The following RAB35 variants were observed in gnomAD, a reference collection of about 807,000 sequenced individuals.
RAB35 encodes the protein RAB35, member RAS oncogene family, also known as ras-related protein Rab-35.
RAB35 carries 4 observed loss-of-function variants against 28.9 expected under a neutral mutation model. That is an observed-to-expected ratio of 0.14 (90% CI 0.07 to 0.32). The LOEUF is 0.32. RAB35 is among the 10% of genes least tolerant of loss of function. The probability of loss-of-function intolerance (pLI) is 1.00; values close to 1 mark genes in which losing one functional copy is unlikely to be tolerated. For synonymous variants in RAB35, 99 were observed against 105.1 expected (o/e 0.94, Z 0.35); for missense variants, 128 against 274.0 (o/e 0.47, Z 3.76).
chr12:120,097,777 C>T (rs1428956705), intron 5 of RAB35, among the ~76,000 whole-genome samples: 1 of 152,176 alleles, frequency 6.6e-6, no homozygotes, highest in Non-Finnish European at 1.5e-5. Flanking sequence ...AAAAGGAACA[C>T]CATCAGAGGC....
At chr12:120,110,783 A>G (rs1876085094) in intron 1 of RAB35, among the ~76,000 whole-genome samples, 1 of 152,152 alleles carries the variant, frequency 6.6e-6, no homozygotes, top group African/African-American at 2.4e-5. Context: ...TACTTTCCTA[A>G]AGACAGGCCA....
Position 120,103,691 on chromosome 12 carries a change from A to T in RAB35, c.227+135T>A, listed in dbSNP as rs1272111955. ...GGTGCAGCCAAACGCCACCTACTAC[A>T]GCCAACAACAGGCTCACTTCCCGAC... On this transcript the variant is annotated intron_variant, in intron 3 of 5. Coordinates refer to ENST00000229340, the MANE Select transcript of RAB35 (RefSeq NM_006861.7). This position sits in a 1 kb window ranked among gnomAD's most constrained non-coding sequence, Gnocchi z 6.1. 11 of 1,323,694 alleles carry T rather than the reference A, an allele frequency of 8.3e-6. No individual in the cohort carries two copies. The Admixed American group carries it at 1.2e-4, about 14-fold the overall frequency. The allele number at this position is 1,323,694 out of a possible 1,614,324, so 82.0% of individuals were successfully genotyped here. A position where few individuals can be genotyped will look rare whatever the true frequency, so the allele number is the denominator to read the frequency against.
chr12:120,098,311 A>C (rs1194074491), intron 5 of RAB35, among the ~76,000 whole-genome samples: 1 of 152,236 alleles, frequency 6.6e-6, no homozygotes, highest in Non-Finnish European at 1.5e-5. Context: ...TCACCGCCCA[A>C]GGTCATACCA....
chr12:120,110,707 T>A (rs1236019648), intron 1 of RAB35, among the ~76,000 whole-genome samples: 1 of 152,156 alleles, frequency 6.6e-6, no homozygotes, highest in Non-Finnish European at 1.5e-5. Flanking sequence ...TCTGGGAGCT[T>A]CTCCTGGTGA....
At position 120,096,677 on chromosome 12, in the gene RAB35, G is replaced by A. The variant is rs944128767; in HGVS notation, c.*568C>T. 7.8e-7 allele frequency: 1 copy of A among 1,289,884 alleles called. No individual in the cohort carries two copies. Among genetic ancestry groups the A allele is most frequent in the Admixed American group, 2.3e-5 (1 of 43,568 alleles). The allele number at this position is 1,289,884 out of a possible 1,614,324, so 79.9% of individuals were successfully genotyped here. A position where few individuals can be genotyped will look rare whatever the true frequency, so the allele number is the denominator to read the frequency against. ...GCTGTGGGGACAGGACAACGGGGAG[G>A]GAAGGGAGCTGGCACAGGCCCCGGA... On this transcript the variant is annotated 3_prime_UTR_variant, in exon 6 of 6. Coordinates refer to ENST00000229340, the MANE Select transcript of RAB35 (RefSeq NM_006861.7).
chr12:120,097,664 T>C (rs998114020), intron 5 of RAB35, among the ~76,000 whole-genome samples: 1 of 152,160 alleles, frequency 6.6e-6, no homozygotes, highest in African/African-American at 2.4e-5. Flanking sequence ...GGAGGATTAC[T>C]TGAGCCCAGG....
At chr12:120,102,886 CT>C (rs2087152722) in intron 3 of RAB35, among the ~76,000 whole-genome samples, 2 of 152,202 alleles carry the variant, frequency 1.3e-5, no homozygotes, top group South Asian at 4.1e-4. Flanking sequence ...GCCCCTCACT[CT>C]GCACAGGCCA....
intron 3 of RAB35, 90 bp from the exon 4 acceptor site, chr12:120,099,244 C>A: frequency 6.5e-7 from 1 of 1,539,952 alleles, no homozygotes; most frequent in South Asian, 1.2e-5. Flanking sequence ...GACACTGACC[C>A]GGAAAAGGTG....
At position 120,103,128 on chromosome 12, in the gene RAB35, C is replaced by T. The variant is rs78180288; in HGVS notation, c.227+698G>A. ...CGGCAACTTGCCTAAGGACACACAG[C>T]CCAACAGCTCCAAATCGGCCCCTTC... On this transcript the variant is annotated intron_variant, in intron 3 of 5. Transcript: ENST00000229340. This position sits in a 1 kb window ranked among gnomAD's most constrained non-coding sequence, Gnocchi z 6.1. Among the ~76,000 whole-genome samples, 894 of 152,346 alleles carry T rather than the reference C, an allele frequency of 5.9e-3. 9 individuals are homozygous for T. Among genetic ancestry groups the T allele is most frequent in the African/African-American group, 0.02 (817 of 41,570 alleles).
At position 120,116,694 on chromosome 12, in the gene RAB35, G is replaced by T; in HGVS notation, c.-44C>A. 2 of 1,221,612 alleles carry T rather than the reference G, an allele frequency of 1.6e-6. No individual in the cohort carries two copies. The allele number at this position is 1,221,612 out of a possible 1,614,324, so 75.7% of individuals were successfully genotyped here. ...GCGCGGGCGGGCGGGGTCGGTACTGGCCTCGCGATCCGCAGCTCCCTTCGG... is the reference window on the plus strand; with the variant it reads ...GCGCGGGCGGGCGGGGTCGGTACTGTCCTCGCGATCCGCAGCTCCCTTCGG... On this transcript the variant is annotated 5_prime_UTR_variant, in exon 1 of 6. Transcript: ENST00000229340.
In RAB35 at chr12:120,099,062, T is replaced by C. The variant is rs748710498; in HGVS notation, c.320A>G (p.Asn107Ser). The change falls in exon 4 of 6, where the codon AAC becomes AGC. Residue 107 changes from asparagine (N) to serine (S), a missense_variant. Asn to Ser is a conservative substitution (Grantham distance 46). Coordinates refer to ENST00000229340, the MANE Select transcript of RAB35 (RefSeq NM_006861.7). ...TCGGCACACATCATCACAGTTCTGG[T>C]TGATTTCGTGAAGCCACCGCTTGAC... The part of the protein sequence containing the change: ...VNVKRWLHEI[N>S]QNCDDVCRIL... 2.0e-5 allele frequency: 32 copies of C among 1,613,596 alleles called. No individual in the cohort carries two copies. The highest frequency in any genetic ancestry group is 2.5e-5 in the Non-Finnish European group (30 of 1,179,846).
At chr12:120,108,517 C>T (rs763059694) in intron 1 of RAB35, 50 bp from the exon 2 acceptor site, 28 of 1,549,156 alleles carry the variant, frequency 1.8e-5, no homozygotes, top group East Asian at 1.4e-4. Flanking sequence ...GTCCCCTCCC[C>T]GCAGCCCCAG....
intron 2 of RAB35, among the ~76,000 whole-genome samples, chr12:120,107,697 T>C (rs1875942654): frequency 6.6e-6 from 1 of 151,694 alleles, no homozygotes; most frequent in South Asian, 2.1e-4. Flanking sequence ...TGAAACCCCA[T>C]CTCTATTAAA....
chr12:120,108,583 C>T (rs1489324252), intron 1 of RAB35, 116 bp from the exon 2 acceptor site: 2 of 906,514 alleles, frequency 2.2e-6, no homozygotes, highest in African/African-American at 3.3e-5. Flanking sequence ...TCGGTGGGAC[C>T]CAGCTCACTT....
rs1353145784 is a variant in RAB35 at position 120,096,876 on chromosome 12, G to C, written c.*369C>G. On this transcript the variant is annotated 3_prime_UTR_variant, in exon 6 of 6. Coordinates refer to ENST00000229340, the MANE Select transcript of RAB35 (RefSeq NM_006861.7). ...TGGGCTGGGGAGGGGCGCGGGGAGG[G>C]TCTGTTGCAGCAGGCTGGCATCAAG... 1 of 1,308,934 alleles carries C rather than the reference G, an allele frequency of 7.6e-7. No individual in the cohort carries two copies. The highest frequency in any genetic ancestry group is 5.1e-5 in the East Asian group (1 of 19,514). 81.1% of individuals were successfully genotyped at this position (1,308,934 alleles called of 1,614,324 possible). A position where few individuals can be genotyped will look rare whatever the true frequency, so the allele number is the denominator to read the frequency against.
At chr12:120,114,015 G>A (rs73410877) in intron 1 of RAB35, among the ~76,000 whole-genome samples, 14,666 of 152,156 alleles carry the variant, frequency 0.096, 952 homozygotes, top group African/African-American at 0.18. Context: ...ACACGTATTA[G>A]CACTGAGATG....
Position 120,096,395 on chromosome 12 carries a change from G to T in RAB35, c.*850C>A. The T allele has an allele frequency of 8.0e-7, 1 of 1,253,476 alleles. No individual in the cohort carries two copies. Among genetic ancestry groups the T allele is most frequent in the Non-Finnish European group, 1.0e-6 (1 of 966,102 alleles). The allele number at this position is 1,253,476 out of a possible 1,614,324, so 77.6% of individuals were successfully genotyped here. ...GTGAGGAATTTAATTCACTTGATTT[G>T]GCTTCATTTTCTTGATCTGTTAAAA... On this transcript the variant is annotated 3_prime_UTR_variant, in exon 6 of 6. Coordinates refer to ENST00000229340, the MANE Select transcript of RAB35 (RefSeq NM_006861.7).
At chr12:120,099,393 C>T (rs1198142836) in intron 3 of RAB35, 2 of 585,762 alleles carry the variant, frequency 3.4e-6, no homozygotes, top group Non-Finnish European at 6.1e-6. Context: ...AGGGCCAGCC[C>T]CTGGGCAGCA....
At chr12:120,100,878 G>A (rs887296011) in intron 3 of RAB35, among the ~76,000 whole-genome samples, 4 of 152,220 alleles carry the variant, frequency 2.6e-5, no homozygotes, top group Non-Finnish European at 4.4e-5. Flanking sequence ...GAGCGAGGGC[G>A]CGCCGGAGCC....
Sources: gnomAD v4.1 joint callset for allele counts (sites outside exome capture counted in the v4.1 genomes callset) on GRCh38, gnomAD v4.1.1 for gene constraint, Gnocchi (gnomAD v3.1) non-coding constraint, MANE v1.5 for transcripts, NCBI Gene and HGNC (gene_info 2026-07-23, HGNC 2026-07-21) for gene names.